TMEFF2: variants seen among roughly 807,000 people sequenced by gnomAD.
TMEFF2 encodes transmembrane protein with EGF like and two follistatin like domains 2.
TMEFF2 carries 28 observed loss-of-function variants against 53.8 expected under a neutral mutation model. The ratio of observed to expected loss-of-function variants is 0.52; its 90% CI spans 0.39 to 0.71. The LOEUF (loss-of-function observed/expected upper bound fraction) is 0.71, where lower values mean the gene tolerates loss of function less well. Among genes scored for constraint, TMEFF2 ranks in the 30% least tolerant of loss-of-function variants. The pLI is 0.00. For missense variants in TMEFF2, 353 were observed against 455.2 expected (o/e 0.78, Z 2.04); for synonymous variants, 162 against 166.3 (o/e 0.97, Z 0.20).
chr2:192,055,446 C>T (rs1228915731), intron 5 of TMEFF2, among the ~76,000 whole-genome samples: 1 of 152,142 alleles, frequency 6.6e-6, no homozygotes, highest in African/African-American at 2.4e-5. Flanking sequence ...ACAAATTCAT[C>T]AGCCATTAAG....
chr2:192,031,041 T>C (rs922695396), intron 5 of TMEFF2, among the ~76,000 whole-genome samples: 5 of 152,190 alleles, frequency 3.3e-5, no homozygotes, highest in African/African-American at 1.2e-4. Flanking sequence ...ACAGAAATGA[T>C]CTGATAGTCA....
intron 2 of TMEFF2, among the ~76,000 whole-genome samples, chr2:192,186,318 A>C (rs1559163153): frequency 6.6e-6 from 1 of 152,156 alleles, no homozygotes; most frequent in South Asian, 2.1e-4. Flanking sequence ...CCATCCAAGA[A>C]AGAAGGCAGG....
At chr2:191,980,647 C>G (rs1386370729) in intron 7 of TMEFF2, among the ~76,000 whole-genome samples, 2 of 152,144 alleles carry the variant, frequency 1.3e-5, no homozygotes, top group African/African-American at 4.8e-5. Context: ...ACTGCCACCC[C>G]CAGCGTCTGC....
intron 7 of TMEFF2, among the ~76,000 whole-genome samples, chr2:191,986,747 A>G (rs1004362242): frequency 6.6e-6 from 1 of 151,026 alleles, no homozygotes; most frequent in African/African-American, 2.4e-5. Flanking sequence ...AATCCCAGCT[A>G]CTCAGGAGGC....
intron 4 of TMEFF2, among the ~76,000 whole-genome samples, chr2:192,061,139 C>A (rs544902947): frequency 6.6e-6 from 1 of 152,186 alleles, no homozygotes; most frequent in Non-Finnish European, 1.5e-5. Flanking sequence ...GAACCCAGTT[C>A]TCACTATCAT....
rs79605718 is a variant in TMEFF2 at position 191,983,009 on chromosome 2, G to A, written c.745+15253C>T. Among the ~76,000 whole-genome samples the A allele has an allele frequency of 5.7e-3, 875 of 152,224 alleles. 17 individuals are homozygous for A. Among genetic ancestry groups the A allele is most frequent in the African/African-American group, 0.02 (823 of 41,548 alleles). The stretch of plus-strand genomic sequence containing the variant: ...CTGCATATTCTATGAAGCATGAGGG[G>A]ACACCGAGTGTAGCAATTTATTGGT... On this transcript the variant is annotated intron_variant, in intron 7 of 9. Coordinates refer to ENST00000272771, the MANE Select transcript of TMEFF2 (RefSeq NM_016192.4).
chr2:191,973,963 G>A (rs927697746), intron 7 of TMEFF2, among the ~76,000 whole-genome samples: 1 of 152,126 alleles, frequency 6.6e-6, no homozygotes, highest in African/African-American at 2.4e-5. Context: ...CCAGCGCTCA[G>A]ATCTGTGAGT....
intron 5 of TMEFF2, among the ~76,000 whole-genome samples, chr2:192,039,781 T>A (rs148708407): frequency 8.1e-4 from 124 of 152,312 alleles, no homozygotes; most frequent in African/African-American, 2.8e-3. Flanking sequence ...TCTGTGAATG[T>A]GAATTATAAT....
intron 4 of TMEFF2, among the ~76,000 whole-genome samples, chr2:192,147,841 C>T (rs545365041): frequency 6.6e-6 from 1 of 151,942 alleles, no homozygotes; most frequent in African/African-American, 2.4e-5. Flanking sequence ...CCTTATATCC[C>T]CAAGGTACAA....
intron 4 of TMEFF2, among the ~76,000 whole-genome samples, chr2:192,165,021 C>G (rs927047570): frequency 1.1e-5 from 1 of 89,318 alleles, no homozygotes; most frequent in African/African-American, 3.9e-5. Context: ...CCTGTGCACA[C>G]ATACTTGCAT....
At chr2:191,984,676 A>G (rs1296422715) in intron 7 of TMEFF2, among the ~76,000 whole-genome samples, 1 of 149,822 alleles carries the variant, frequency 6.7e-6, no homozygotes, top group East Asian at 1.9e-4. Flanking sequence ...ATTCTGAAAC[A>G]TTCTAAACAT....
intron 2 of TMEFF2, among the ~76,000 whole-genome samples, chr2:192,187,126 G>A (rs1398907954): frequency 1.3e-5 from 2 of 152,178 alleles, no homozygotes; most frequent in Non-Finnish European, 2.9e-5. Flanking sequence ...GAAGCACGCT[G>A]TAAATCATGA....
intron 4 of TMEFF2, among the ~76,000 whole-genome samples, chr2:192,163,352 A>G (rs1690680177): frequency 6.6e-6 from 1 of 152,252 alleles, no homozygotes; most frequent in Admixed American, 6.5e-5. Context: ...CCACTCTTTG[A>G]GTCAGCAGAA....
intron 4 of TMEFF2, among the ~76,000 whole-genome samples, chr2:192,169,243 T>C (rs957097380): frequency 3.3e-5 from 5 of 152,146 alleles, no homozygotes; most frequent in African/African-American, 1.2e-4. Context: ...ACAATCATCC[T>C]GATGTAGATT....
chr2:192,152,225 G>A (rs1237585639), intron 4 of TMEFF2, among the ~76,000 whole-genome samples: 1 of 151,894 alleles, frequency 6.6e-6, no homozygotes, highest in African/African-American at 2.4e-5. Context: ...GTGAAGGCTT[G>A]TCTTTTGTAT....
intron 5 of TMEFF2, among the ~76,000 whole-genome samples, chr2:192,017,843 A>C (rs1686776312): frequency 6.6e-6 from 1 of 152,178 alleles, no homozygotes; most frequent in Admixed American, 6.5e-5. Flanking sequence ...TAACATTAAA[A>C]ATTAAACACT....
intron 7 of TMEFF2, among the ~76,000 whole-genome samples, chr2:191,973,154 C>T (rs1692697205): frequency 6.6e-6 from 1 of 152,010 alleles, no homozygotes; most frequent in African/African-American, 2.4e-5. Context: ...TGCTTTTAAG[C>T]AAAACTTTGC....
chr2:191,960,181 T>C (rs1419843759), intron 7 of TMEFF2, among the ~76,000 whole-genome samples: 1 of 152,122 alleles, frequency 6.6e-6, no homozygotes, highest in Admixed American at 6.6e-5. Flanking sequence ...CCCAAGTTGG[T>C]GTGTCTTAAA....
In TMEFF2 at chr2:192,128,369, A is replaced by G. The variant is rs535641099; in HGVS notation, c.439+51299T>C. On this transcript the variant is annotated intron_variant, in intron 4 of 9. Coordinates refer to ENST00000272771, the MANE Select transcript of TMEFF2 (RefSeq NM_016192.4). ...GACTATTGACAAACAAAATATTGCA[A>G]TAAGTCACTGTAGCCTTCAAATTTA... 5.9e-5 allele frequency among the ~76,000 whole-genome samples: 9 copies of G among 152,348 alleles called. No individual in the cohort carries two copies. The South Asian group carries it at 1.9e-3, about 32-fold the overall frequency.
Sources: gnomAD v4.1 joint callset for allele counts (sites outside exome capture counted in the v4.1 genomes callset) on GRCh38, gnomAD v4.1.1 for gene constraint, MANE v1.5 for transcripts, NCBI Gene and HGNC (gene_info 2026-07-23, HGNC 2026-07-21) for gene names.